The following GSK3B variants were observed in gnomAD, a reference collection of about 807,000 sequenced individuals.
GSK3B encodes glycogen synthase kinase 3 beta.
In GSK3B, 15 loss-of-function variants were observed where a neutral mutation model predicts 56.4. The observed-to-expected ratio is 0.27, with a 90% CI of 0.18 to 0.41. GSK3B has a LOEUF of 0.41. Among genes scored for constraint, GSK3B ranks in the 10% least tolerant of loss-of-function variants. The probability of loss-of-function intolerance (pLI) is 1.00; values close to 1 mark genes in which losing one functional copy is unlikely to be tolerated. For missense variants in GSK3B, 300 were observed against 513.4 expected (o/e 0.58, Z 4.02); for synonymous variants, 181 against 188.9 (o/e 0.96, Z 0.34).
chr3:119,921,083 A>G (rs1419135525), intron 4 of GSK3B, among the ~76,000 whole-genome samples: 1 of 152,250 alleles, frequency 6.6e-6, no homozygotes, highest in African/African-American at 2.4e-5. Flanking sequence ...GTCATGTTAG[A>G]AAGCAAGGAA....
At chr3:119,835,312 T>C (rs2055673288) in intron 10 of GSK3B, among the ~76,000 whole-genome samples, 1 of 152,228 alleles carries the variant, frequency 6.6e-6, no homozygotes, top group Non-Finnish European at 1.5e-5. Context: ...TTCTTTATAC[T>C]TTTTGACTCT....
At chr3:119,951,225 A>G (rs188341785) in intron 2 of GSK3B, among the ~76,000 whole-genome samples, 42 of 152,334 alleles carry the variant, frequency 2.8e-4, no homozygotes, top group Admixed American at 1.9e-3. Context: ...GCTAATGTGA[A>G]AAATGTCAGA....
intron 8 of GSK3B, among the ~76,000 whole-genome samples, chr3:119,872,883 A>G (rs1159306947): frequency 6.6e-6 from 1 of 152,176 alleles, no homozygotes; most frequent in Non-Finnish European, 1.5e-5. Flanking sequence ...CCCATCATTT[A>G]ACCACACCTG....
intron 1 of GSK3B, among the ~76,000 whole-genome samples, chr3:120,027,996 A>AT (rs1477599697): frequency 2.0e-5 from 3 of 152,272 alleles, no homozygotes; most frequent in Non-Finnish European, 4.4e-5. Context: ...AAACTAAAAA[A>AT]TCAGCAACTA....
chr3:120,003,546 TACTA>T (rs2057697937), intron 1 of GSK3B, among the ~76,000 whole-genome samples: 1 of 152,198 alleles, frequency 6.6e-6, no homozygotes, highest in South Asian at 2.1e-4. Flanking sequence ...CTTTCTAAAA[TACTA>T]ACTGAATTCC....
intron 2 of GSK3B, among the ~76,000 whole-genome samples, chr3:119,983,454 G>C (rs139685085): frequency 1.3e-5 from 2 of 151,700 alleles, no homozygotes; most frequent in Admixed American, 1.3e-4. Flanking sequence ...CTGTATTCAG[G>C]AGACCCATCT....
At chr3:119,954,297 T>TAGAATAGAAC (rs2057189885) in intron 2 of GSK3B, among the ~76,000 whole-genome samples, 1 of 89,814 alleles carries the variant, frequency 1.1e-5, no homozygotes, top group Non-Finnish European at 2.4e-5. Context: ...TAGAATAGAA[T>TAGAATAGAAC]AGAATAGAAA....
In GSK3B at chr3:119,821,400, G is replaced by A. The variant is rs949082233; in HGVS notation, c.*5388C>T. ...CTTTAGATTAGGCCTGACAGAGTGA[G>A]CCAGCCCTAAAAAAATGATGTTTCT... On this transcript the variant is annotated 3_prime_UTR_variant, in exon 11 of 11. Transcript: ENST00000264235. The A allele has an allele frequency of 5.3e-5, 8 of 152,172 alleles. No homozygotes were observed. Among genetic ancestry groups the A allele is most frequent in the Admixed American group, 5.2e-4 (8 of 15,276 alleles). The allele number at this position is 152,172 out of a possible 1,614,324, so 9.4% of individuals were successfully genotyped here.
intron 3 of GSK3B, among the ~76,000 whole-genome samples, chr3:119,941,365 A>G (rs2057047424): frequency 6.6e-6 from 1 of 152,122 alleles, no homozygotes; most frequent in Admixed American, 6.6e-5. Context: ...ATAATTTACT[A>G]AGATATTTTT....
intron 1 of GSK3B, among the ~76,000 whole-genome samples, chr3:120,019,710 A>G (rs899641507): frequency 3.3e-5 from 5 of 152,190 alleles, no homozygotes; most frequent in African/African-American, 1.2e-4. Flanking sequence ...AAAGTACCTG[A>G]AAGGACACAG....
intron 1 of GSK3B, among the ~76,000 whole-genome samples, chr3:120,037,359 T>C (rs765584997): frequency 1.3e-5 from 2 of 152,214 alleles, no homozygotes; most frequent in African/African-American, 4.8e-5. Context: ...ATTATCCAAA[T>C]TGCTTAACTT....
At chr3:120,076,356 T>C (rs1413473053) in intron 1 of GSK3B, among the ~76,000 whole-genome samples, 1 of 152,088 alleles carries the variant, frequency 6.6e-6, no homozygotes, top group African/African-American at 2.4e-5. Flanking sequence ...TAGATGAGAC[T>C]ACATCAAACT....
rs1318243462 is a variant in GSK3B, at chr3:119,929,579, G to A, written c.367-6096C>T. Among the ~76,000 whole-genome samples the A allele has an allele frequency of 3.3e-5, 5 of 151,946 alleles. No homozygotes were observed. The East Asian group carries it at 5.8e-4, about 18-fold the overall frequency. On this transcript the variant is annotated intron_variant, in intron 3 of 10. Coordinates refer to ENST00000264235, the MANE Select transcript of GSK3B (RefSeq NM_001146156.2). ...GTCCAGGAGTTCACAACCAGCCTGGGCAACACAGGGAGGCACCATTTCTAC... is the reference window on the plus strand; with the variant it reads ...GTCCAGGAGTTCACAACCAGCCTGGACAACACAGGGAGGCACCATTTCTAC...
At chr3:119,835,732 A>G (rs539898917) in intron 10 of GSK3B, among the ~76,000 whole-genome samples, 59 of 152,254 alleles carry the variant, frequency 3.9e-4, no homozygotes, top group African/African-American at 1.3e-3. Context: ...GGGTTAAGAT[A>G]AAGAGAAAAC....
intron 1 of GSK3B, among the ~76,000 whole-genome samples, chr3:120,082,131 C>T (rs982855019): frequency 2.0e-5 from 3 of 152,132 alleles, no homozygotes; most frequent in African/African-American, 7.2e-5. Flanking sequence ...CACCCTACAG[C>T]AAGCCCCCTT....
At chr3:120,075,833 T>C (rs1004584421) in intron 1 of GSK3B, among the ~76,000 whole-genome samples, 4 of 152,066 alleles carry the variant, frequency 2.6e-5, no homozygotes, top group African/African-American at 7.2e-5. Flanking sequence ...ACGCAATTCC[T>C]ATCAAAATCC....
At chr3:120,015,820 T>G (rs1403610970) in intron 1 of GSK3B, among the ~76,000 whole-genome samples, 1 of 152,156 alleles carries the variant, frequency 6.6e-6, no homozygotes, top group Non-Finnish European at 1.5e-5. Context: ...TAATTCATGT[T>G]AAACCTAAGT....
chr3:120,021,796 T>A (rs1285663262), intron 1 of GSK3B, among the ~76,000 whole-genome samples: 1 of 152,222 alleles, frequency 6.6e-6, no homozygotes, highest in Non-Finnish European at 1.5e-5. Context: ...GTGAATATGC[T>A]GTGACTACTG....
intron 4 of GSK3B, among the ~76,000 whole-genome samples, chr3:119,921,903 C>T (rs894815151): frequency 1.3e-5 from 2 of 151,956 alleles, no homozygotes; most frequent in African/African-American, 4.8e-5. Flanking sequence ...TTGGGGAGTC[C>T]CAGCTGGTGG....
Sources: gnomAD v4.1 joint callset for allele counts (sites outside exome capture counted in the v4.1 genomes callset) on GRCh38, gnomAD v4.1.1 for gene constraint, MANE v1.5 for transcripts, NCBI Gene and HGNC (gene_info 2026-07-23, HGNC 2026-07-21) for gene names.